Variants in MDFIC observed in about 807,000 individuals in gnomAD.
MDFIC encodes the protein MyoD family inhibitor domain containing.
Under a neutral mutation model 23.2 loss-of-function variants are expected in MDFIC, and 17 were observed. The ratio of observed to expected loss-of-function variants is 0.73; its 90% CI spans 0.50 to 1.10. The LOEUF is 1.10. Ranked by LOEUF, MDFIC falls within the 50% of genes least tolerant of loss-of-function variation. The probability of loss-of-function intolerance (pLI) is 0.00; values close to 1 mark genes in which losing one functional copy is unlikely to be tolerated. For missense variants in MDFIC, 356 were observed against 316.6 expected, an observed-to-expected ratio of 1.12 and a Z score of -0.95; for synonymous variants, 120 against 115.2, an observed-to-expected ratio of 1.04 and a Z score of -0.27.
At chr7:114,926,598 C>T (rs1792195722) in intron 2 of MDFIC, among the ~76,000 whole-genome samples, 1 of 152,112 alleles carries the variant, frequency 6.6e-6, no homozygotes, top group African/African-American at 2.4e-5. Flanking sequence ...TGATTTAATG[C>T]ACTCTTCTCT....
intron 4 of MDFIC, among the ~76,000 whole-genome samples, chr7:115,001,768 A>G (rs1791469808): frequency 6.6e-6 from 1 of 152,194 alleles, no homozygotes; most frequent in South Asian, 2.1e-4. Flanking sequence ...GTTAGAAATA[A>G]GTATGCACCT....
intron 3 of MDFIC, among the ~76,000 whole-genome samples, chr7:114,967,456 G>A (rs771412414): frequency 6.6e-6 from 1 of 152,230 alleles, no homozygotes; most frequent in African/African-American, 2.4e-5. Flanking sequence ...ATAGTCAGAT[G>A]AGAAAGTTGA....
At chr7:114,982,182 G>T (rs1227177795) in intron 4 of MDFIC, among the ~76,000 whole-genome samples, 1 of 152,166 alleles carries the variant, frequency 6.6e-6, no homozygotes, top group Non-Finnish European at 1.5e-5. Context: ...AAAACCTGAT[G>T]TGCAGAATGG....
chr7:114,966,405 CAAA>C (rs61377366), intron 3 of MDFIC, among the ~76,000 whole-genome samples: 4 of 121,282 alleles, frequency 3.3e-5, no homozygotes, highest in Admixed American at 8.9e-5. Context: ...GTCAGGAAAC[CAAA>C]AAAAAAAAAA....
At chr7:114,952,631 T>C (rs776872224) in intron 3 of MDFIC, among the ~76,000 whole-genome samples, 97 of 152,192 alleles carry the variant, frequency 6.4e-4, no homozygotes, top group Non-Finnish European at 1.1e-3. Context: ...AAATTTGTTC[T>C]GCTTTGGAAC....
At chr7:114,931,463 G>A (rs1023020932) in intron 2 of MDFIC, among the ~76,000 whole-genome samples, 2 of 152,134 alleles carry the variant, frequency 1.3e-5, no homozygotes, top group Admixed American at 6.5e-5. Flanking sequence ...GAGATTTGAA[G>A]GGGAAAACCC....
At chr7:114,985,714 C>T (rs1275525069) in intron 4 of MDFIC, among the ~76,000 whole-genome samples, 3 of 151,432 alleles carry the variant, frequency 2.0e-5, no homozygotes, top group Non-Finnish European at 2.9e-5. Context: ...ATGTTTTATT[C>T]AGAGAACTAC....
chr7:114,976,258 G>C (rs923376440), intron 3 of MDFIC, among the ~76,000 whole-genome samples: 2 of 152,044 alleles, frequency 1.3e-5, no homozygotes, highest in African/African-American at 4.8e-5. Flanking sequence ...AGTCTCCCCA[G>C]CTTTGGTCAA....
chr7:114,999,726 G>A (rs1205660183), intron 4 of MDFIC, among the ~76,000 whole-genome samples: 2 of 151,796 alleles, frequency 1.3e-5, no homozygotes, highest in African/African-American at 2.4e-5. Context: ...AAGGTATTAG[G>A]AAGATTCACT....
intron 4 of MDFIC, chr7:115,014,480 G>A (rs936879389): frequency 3.9e-6 from 5 of 1,289,516 alleles, no homozygotes; most frequent in African/African-American, 1.5e-5. Flanking sequence ...ACACTCCATC[G>A]AAGGCACTTA....
At chr7:114,997,769 AAAAGAAAAGAAAAG>A (rs1791366810) in intron 4 of MDFIC, among the ~76,000 whole-genome samples, 1 of 151,106 alleles carries the variant, frequency 6.6e-6, no homozygotes, top group African/African-American at 2.4e-5. Flanking sequence ...AAAAAAAAAG[AAAAGAAAAGAAAAG>A]AAAGAAAAAG....
At chr7:114,938,110 C>T (rs905371829) in intron 2 of MDFIC, among the ~76,000 whole-genome samples, 3 of 152,084 alleles carry the variant, frequency 2.0e-5, no homozygotes, top group African/African-American at 7.2e-5. Context: ...GAATGTGCCA[C>T]CATGCCCAGA....
At chr7:114,982,463 G>A (rs1793434644) in intron 4 of MDFIC, among the ~76,000 whole-genome samples, 1 of 152,054 alleles carries the variant, frequency 6.6e-6, no homozygotes, top group African/African-American at 2.4e-5. Flanking sequence ...GGCCACTGGG[G>A]AGGATCGCTT....
chr7:114,984,457 G>A (rs1793475648), intron 4 of MDFIC, among the ~76,000 whole-genome samples: 1 of 151,718 alleles, frequency 6.6e-6, no homozygotes, highest in South Asian at 2.1e-4. Flanking sequence ...AATAAAATGT[G>A]TGCTCATATT....
intron 2 of MDFIC, among the ~76,000 whole-genome samples, chr7:114,940,353 C>T (rs1792514945): frequency 6.6e-6 from 1 of 152,184 alleles, no homozygotes; most frequent in Non-Finnish European, 1.5e-5. Flanking sequence ...CCCCATGGTA[C>T]ATGAAAAATT....
At chr7:115,001,137 C>T (rs1791459341) in intron 4 of MDFIC, among the ~76,000 whole-genome samples, 1 of 152,124 alleles carries the variant, frequency 6.6e-6, no homozygotes, top group South Asian at 2.1e-4. Flanking sequence ...AAGTAGTTTG[C>T]TCAAGGATAT....
At chr7:114,957,007 A>G (rs1269379577) in intron 3 of MDFIC, among the ~76,000 whole-genome samples, 1 of 152,136 alleles carries the variant, frequency 6.6e-6, no homozygotes, top group Non-Finnish European at 1.5e-5. Flanking sequence ...TGGTTTTTCA[A>G]GAGATGTCAT....
chr7:114,958,029 A>G (rs1792915458), intron 3 of MDFIC, among the ~76,000 whole-genome samples: 1 of 152,244 alleles, frequency 6.6e-6, no homozygotes. Context: ...CAGAAAAACT[A>G]GCACTCACAA....
At chr7:114,931,729 G>T (rs948637582) in intron 2 of MDFIC, among the ~76,000 whole-genome samples, 6 of 152,198 alleles carry the variant, frequency 3.9e-5, no homozygotes, top group African/African-American at 1.4e-4. Flanking sequence ...GAGGATTTCA[G>T]GATGGCGAGA....
Sources: gnomAD v4.1 joint callset for allele counts (sites outside exome capture counted in the v4.1 genomes callset) on GRCh38, gnomAD v4.1.1 for gene constraint, MANE v1.5 for transcripts, NCBI Gene and HGNC (gene_info 2026-07-23, HGNC 2026-07-21) for gene names.